WWC2: variants seen among roughly 807,000 people sequenced by gnomAD.
The protein encoded by WWC2 is protein WWC2.
WWC2 carries 101 observed loss-of-function variants against 138.5 expected under a neutral mutation model. The observed-to-expected ratio is 0.73, with a 90% CI of 0.62 to 0.86. WWC2 has a LOEUF of 0.86. WWC2 is among the 40% of genes least tolerant of loss of function. The pLI, the probability that WWC2 is intolerant of heterozygous loss-of-function variation, is 0.00. For synonymous variants in WWC2, 558 were observed against 538.4 expected, an observed-to-expected ratio of 1.04 and a Z score of -0.50; for missense variants, 1,420 against 1,419.4, an observed-to-expected ratio of 1.00 and a Z score of -0.01.
At position 183,265,733 on chromosome 4, in the gene WWC2, C is replaced by A; in HGVS notation, c.2085C>A (p.Ala695=). ...EDVTYSEEDV[A]IVETAQVQIG... ...TCACATACAGTGAAGAGGATGTAGC[C>A]ATTGTAGAGACCGCCCAGGTTCAGA... Residue 695 remains alanine, a synonymous_variant, in exon 13 of 23, where the codon GCC becomes GCA. Coordinates refer to ENST00000403733, the MANE Select transcript of WWC2 (RefSeq NM_024949.6). 6.2e-7 allele frequency: 1 copy of A among 1,611,878 alleles called. No homozygotes were observed. Among genetic ancestry groups the A allele is most frequent in the Non-Finnish European group, 8.5e-7 (1 of 1,179,076 alleles).
chr4:183,224,255 A>G lies in WWC2; in HGVS notation c.522+15230A>G, dbSNP rs1318154167. Among the ~76,000 whole-genome samples, 7 of 152,206 alleles carry G rather than the reference A, an allele frequency of 4.6e-5. No individual in the cohort carries two copies. In the East Asian group the frequency reaches 9.6e-4, roughly 21 times the overall value. On this transcript the variant is annotated intron_variant, in intron 4 of 22. Coordinates refer to ENST00000403733, the MANE Select transcript of WWC2 (RefSeq NM_024949.6). ...GGACATTCACCATGGGTTGTGCTGT[A>G]TATATCCATCATGAAGTGCATGTCT...
chr4:183,290,735 TTGTTTTCTATCAGTCCC>T (rs1738421040), intron 21 of WWC2, among the ~76,000 whole-genome samples: 1 of 152,250 alleles, frequency 6.6e-6, no homozygotes, highest in Non-Finnish European at 1.5e-5. Flanking sequence ...TGCCAAAACA[TTGTTTTCTATCAGTCCC>T]TTTGGATGGG....
rs1739603391 is a variant in WWC2, at chr4:183,320,335, TAGG to T, written c.*4611_*4613del. 1.4e-5 allele frequency: 14 copies of T among 969,662 alleles called. No homozygotes were observed. Among genetic ancestry groups the T allele is most frequent in the Admixed American group, 2.6e-5 (1 of 38,016 alleles). 60.1% of individuals were successfully genotyped at this position (969,662 alleles called of 1,614,324 possible). On this transcript the variant is annotated 3_prime_UTR_variant, in exon 23 of 23. Coordinates refer to ENST00000403733, the MANE Select transcript of WWC2 (RefSeq NM_024949.6). ...CAGAAATATTTCTTCATTGTGTATA[TAGG>T]AGGATTCTTGCCAGAGTTGCTATTG... is the stretch of plus-strand genomic sequence containing the variant.
intron 1 of WWC2, among the ~76,000 whole-genome samples, chr4:183,125,076 A>T (rs1732719941): frequency 6.6e-6 from 1 of 152,096 alleles, no homozygotes; most frequent in Non-Finnish European, 1.5e-5. Context: ...AATGTGTGGG[A>T]CCGATGCAGG....
chr4:183,125,505 G>C (rs942107268), intron 1 of WWC2, among the ~76,000 whole-genome samples: 13 of 152,340 alleles, frequency 8.5e-5, no homozygotes, highest in Non-Finnish European at 1.5e-4. Context: ...ATTTAAGCCA[G>C]TTGTGTACGT....
chr4:183,309,238 G>GA (rs1739131050), intron 21 of WWC2, among the ~76,000 whole-genome samples: 1 of 152,172 alleles, frequency 6.6e-6, no homozygotes, highest in African/African-American at 2.4e-5. Flanking sequence ...TACCTGATAA[G>GA]CTGGACTTCG....
At chr4:183,295,121 A>G (rs149348372) in intron 21 of WWC2, among the ~76,000 whole-genome samples, 2 of 152,162 alleles carry the variant, frequency 1.3e-5, no homozygotes, top group African/African-American at 4.8e-5. Flanking sequence ...ACTTGAGCAG[A>G]CATATTTTCT....
intron 4 of WWC2, among the ~76,000 whole-genome samples, chr4:183,215,672 C>G (rs888196615): frequency 2.0e-5 from 3 of 152,130 alleles, no homozygotes; most frequent in African/African-American, 7.2e-5. Context: ...AGTTTGGCCT[C>G]CTTTTCTAGC....
At chr4:183,248,378 G>A (rs1736862370) in intron 6 of WWC2, among the ~76,000 whole-genome samples, 1 of 152,210 alleles carries the variant, frequency 6.6e-6, no homozygotes, top group Admixed American at 6.5e-5. Flanking sequence ...GCTGCATGAA[G>A]TGAGTGGGTT....
intron 1 of WWC2, among the ~76,000 whole-genome samples, chr4:183,113,109 C>A (rs573480690): frequency 1.3e-5 from 2 of 152,126 alleles, no homozygotes; most frequent in South Asian, 4.2e-4. Context: ...CCCATCTCTA[C>A]TAAAAATACA....
intron 1 of WWC2, among the ~76,000 whole-genome samples, chr4:183,170,845 AATT>A (rs1313193061): frequency 3.9e-5 from 1 of 25,696 alleles, no homozygotes; most frequent in Non-Finnish European, 7.1e-5. Context: ...CTAGCTAATT[AATT>A]TTTTTTTTTT....
chr4:183,214,385 A>G (rs1278295004), intron 4 of WWC2, among the ~76,000 whole-genome samples: 1 of 152,208 alleles, frequency 6.6e-6, no homozygotes, highest in African/African-American at 2.4e-5. Context: ...AATGGCAGTC[A>G]AATTTAAGGT....
chr4:183,255,693 C>T (rs1018561303), intron 9 of WWC2, among the ~76,000 whole-genome samples: 2 of 152,026 alleles, frequency 1.3e-5, no homozygotes, highest in African/African-American at 2.4e-5. Context: ...ATTGAGGTGG[C>T]GTCTTGCTTG....
chr4:183,195,183 T>C (rs900984556), intron 2 of WWC2, among the ~76,000 whole-genome samples: 1 of 152,240 alleles, frequency 6.6e-6, no homozygotes, highest in African/African-American at 2.4e-5. Flanking sequence ...CTCACCCTTA[T>C]GTCATTGCAA....
At chr4:183,167,010 G>C (rs1368901748) in intron 1 of WWC2, among the ~76,000 whole-genome samples, 1 of 152,138 alleles carries the variant, frequency 6.6e-6, no homozygotes, top group Non-Finnish European at 1.5e-5. Flanking sequence ...TATGGTTTCT[G>C]TCCCAGCCTG....
At position 183,269,048 on chromosome 4, in the gene WWC2, A is replaced by T. The variant is rs1469855240; in HGVS notation, c.2285A>T (p.Glu762Val). Residue 762 changes from glutamate (E) to valine (V), a missense_variant, in exon 15 of 23, where the codon GAA (glutamate) becomes GTA (valine). Glu to Val is a moderately radical substitution (Grantham distance 121). Transcript: ENST00000403733. ...CGCACAAAAGTTCATCCGCCCACAG[A>T]ATCCATTTTATTCAATGATGTGTTC... The part of the protein sequence containing the change: ...LFRTKVHPPT[E>V]SILFNDVFRV... The T allele has an allele frequency of 6.2e-7, 1 of 1,613,914 alleles. No individual in the cohort carries two copies. Among genetic ancestry groups the T allele is most frequent in the Non-Finnish European group, 8.5e-7 (1 of 1,179,874 alleles).
Position 183,312,379 on chromosome 4 carries a change from T to C in WWC2, c.3423T>C (p.Asn1141=), listed in dbSNP as rs115467341. 3.4e-4 allele frequency: 542 copies of C among 1,613,796 alleles called. 2 individuals are homozygous for C. The African/African-American group carries it at 6.5e-3, about 19-fold the overall frequency. ...AAGAAGAGCAGAAGCAAGGTCTGAA[T>C]GCAGAGAAGTTGATGAGGCAAGTCT... is the stretch of plus-strand genomic sequence containing the variant. ...QSKEEQKQGL[N]AEKLMRQVSK... is the part of the protein sequence containing the mutation. Residue 1141 remains asparagine (N), a synonymous_variant, in exon 22 of 23, where the codon AAT becomes AAC. Transcript: ENST00000403733.
rs749684963 is a variant in WWC2 at position 183,193,633 on chromosome 4, G to A, written c.166G>A (p.Gly56Arg). The change falls in exon 2 of 23, where the codon GGG becomes AGG. Residue 56 changes from glycine (G) to arginine (R), a missense_variant. By Grantham distance (125) the Gly-to-Arg change is moderately radical. Coordinates refer to ENST00000403733, the MANE Select transcript of WWC2 (RefSeq NM_024949.6). ...GCCCTTGTCATTTGCTGATTGTGTTGGGGATGAGCTGCCGTGGGGATGGGA... is the reference window on the plus strand; with the variant it reads ...GCCCTTGTCATTTGCTGATTGTGTTAGGGATGAGCTGCCGTGGGGATGGGA... ...TKPLSFADCV[G>R]DELPWGWEAG... 1 of 1,613,878 alleles carries A rather than the reference G, an allele frequency of 6.2e-7. No homozygotes were observed. Among genetic ancestry groups the A allele is most frequent in the East Asian group, 2.2e-5 (1 of 44,866 alleles).
intron 4 of WWC2, among the ~76,000 whole-genome samples, chr4:183,235,190 A>G (rs1005215202): frequency 2.6e-5 from 4 of 152,220 alleles, no homozygotes; most frequent in African/African-American, 9.6e-5. Flanking sequence ...CGTATAGCCA[A>G]CTTTAGGTAA....
Sources: gnomAD v4.1 joint callset for allele counts (sites outside exome capture counted in the v4.1 genomes callset) on GRCh38, gnomAD v4.1.1 for gene constraint, MANE v1.5 for transcripts, NCBI Gene and HGNC (gene_info 2026-07-23, HGNC 2026-07-21) for gene names.